The following SPRED2 variants were observed in gnomAD, a reference collection of about 807,000 sequenced individuals.
The protein encoded by SPRED2 is sprouty related EVH1 domain containing 2, also known as sprouty-related, EVH1 domain-containing protein 2.
A neutral mutation model predicts 43.0 loss-of-function variants in SPRED2; 47 were observed. The observed-to-expected ratio is 1.09, with a 90% CI of 0.87 to 1.40. SPRED2 has a LOEUF of 1.40. SPRED2 is among the 40% of genes most tolerant of loss of function. SPRED2 has a pLI of 0.00. For synonymous variants in SPRED2, 225 were observed against 225.7 expected (o/e 1.00, Z 0.03); for missense variants, 561 against 586.4 (o/e 0.96, Z 0.45).
chr2:65,329,095 G>A (rs1361738500), intron 4 of SPRED2, among the ~76,000 whole-genome samples: 2 of 152,196 alleles, frequency 1.3e-5, no homozygotes, highest in Non-Finnish European at 2.9e-5. Flanking sequence ...CAACACCTGA[G>A]GTGGATGGGA....
At chr2:65,327,826 C>G (rs181268690) in intron 4 of SPRED2, among the ~76,000 whole-genome samples, 2 of 142,170 alleles carry the variant, frequency 1.4e-5, no homozygotes, top group South Asian at 2.4e-4. Flanking sequence ...CAGGTTCAAG[C>G]GATTCTCCTG....
chr2:65,402,769 G>A lies in SPRED2; in HGVS notation c.26+29193C>T, dbSNP rs996575502. Among the ~76,000 whole-genome samples, 36 of 152,316 alleles carry A rather than the reference G, an allele frequency of 2.4e-4. 5 individuals carry two copies. Among genetic ancestry groups the A allele is most frequent in the Admixed American group, 1.9e-3 (29 of 15,302 alleles). On this transcript the variant is annotated intron_variant, in intron 1 of 5. Coordinates refer to ENST00000356388, the MANE Select transcript of SPRED2 (RefSeq NM_181784.3). Reference sequence around the variant, plus strand: ...TTGGATTAATATAATTCCATAAAGAGCTGTGTCTGAAGAAATCCTCTGATA... The same window carrying A: ...TTGGATTAATATAATTCCATAAAGAACTGTGTCTGAAGAAATCCTCTGATA...
chr2:65,324,706 A>T (rs76847530), intron 4 of SPRED2, among the ~76,000 whole-genome samples: 1 of 152,128 alleles, frequency 6.6e-6, no homozygotes, highest in African/African-American at 2.4e-5. Flanking sequence ...GGGAAGCTCA[A>T]GGAGGGAGGG....
intron 1 of SPRED2, among the ~76,000 whole-genome samples, chr2:65,367,284 G>A (rs949935888): frequency 5.3e-5 from 8 of 152,128 alleles, no homozygotes; most frequent in Admixed American, 2.0e-4. Context: ...TATGTTAGGG[G>A]TAAAATGATA....
At chr2:65,360,611 T>A (rs1674787743) in intron 1 of SPRED2, among the ~76,000 whole-genome samples, 1 of 152,176 alleles carries the variant, frequency 6.6e-6, no homozygotes. Flanking sequence ...ACCAGCTATC[T>A]AAATGTGACT....
chr2:65,422,743 T>C (rs1676460628), intron 1 of SPRED2, among the ~76,000 whole-genome samples: 1 of 152,124 alleles, frequency 6.6e-6, no homozygotes, highest in Admixed American at 6.6e-5. Context: ...GACGGTAAGG[T>C]CTTCAAAGGT....
intron 1 of SPRED2, among the ~76,000 whole-genome samples, chr2:65,406,921 TTTAGTCTCTC>T (rs1319680755): frequency 6.6e-6 from 1 of 151,376 alleles, no homozygotes; most frequent in Non-Finnish European, 1.5e-5. Flanking sequence ...CAGTGGAAAG[TTTAGTCTCTC>T]TTTTTTTTTT....
intron 2 of SPRED2, 91 bp downstream of exon 2, chr2:65,344,628 A>T (rs1478520951): frequency 1.3e-6 from 2 of 1,512,796 alleles, no homozygotes; most frequent in Non-Finnish European, 1.8e-6. Flanking sequence ...AGAAAGAAAG[A>T]AAAAAATACG....
At chr2:65,429,852 C>A (rs1337035447) in intron 1 of SPRED2, among the ~76,000 whole-genome samples, 1 of 152,222 alleles carries the variant, frequency 6.6e-6, no homozygotes, top group Non-Finnish European at 1.5e-5. Flanking sequence ...GCAGTGGAGG[C>A]TACGGCTTCA....
At chr2:65,412,867 A>C (rs1676193696) in intron 1 of SPRED2, among the ~76,000 whole-genome samples, 1 of 152,230 alleles carries the variant, frequency 6.6e-6, no homozygotes, top group Non-Finnish European at 1.5e-5. Flanking sequence ...CTCATTTGGC[A>C]GTCCTACAGT....
At chr2:65,316,486 T>C (rs894717628) in intron 5 of SPRED2, among the ~76,000 whole-genome samples, 1 of 152,176 alleles carries the variant, frequency 6.6e-6, no homozygotes, top group Non-Finnish European at 1.5e-5. Flanking sequence ...ACTTGCCTTG[T>C]GGGGCAGTTT....
chr2:65,349,903 G>A (rs149306172), intron 1 of SPRED2, among the ~76,000 whole-genome samples: 20 of 152,292 alleles, frequency 1.3e-4, no homozygotes, highest in African/African-American at 4.1e-4. Context: ...TGTCTCCTCC[G>A]GCAACAGCCC....
rs1437054021 is a variant in SPRED2 at position 65,319,316 on chromosome 2, C to T, written c.439-2433G>A. 2.0e-5 allele frequency among the ~76,000 whole-genome samples: 3 copies of T among 152,146 alleles called. No individual in the cohort carries two copies. In the East Asian group the frequency reaches 5.8e-4, roughly 29 times the overall value. ...TGCTCTCCGAAGCAATATAGAGAGACTTTTGACAGAGCGGTCAGAAAAGCA... is the reference window on the plus strand; with the variant it reads ...TGCTCTCCGAAGCAATATAGAGAGATTTTTGACAGAGCGGTCAGAAAAGCA... On this transcript the variant is annotated intron_variant, in intron 4 of 5. Transcript: ENST00000356388.
At chr2:65,338,434 A>AT (rs1674047776) in intron 2 of SPRED2, among the ~76,000 whole-genome samples, 1 of 151,434 alleles carries the variant, frequency 6.6e-6, no homozygotes, top group African/African-American at 2.4e-5. Context: ...AGTGCCTGCG[A>AT]TTGCAGGCGC....
chr2:65,393,686 A>C (rs1412296784), intron 1 of SPRED2, among the ~76,000 whole-genome samples: 1 of 152,104 alleles, frequency 6.6e-6, no homozygotes, highest in Non-Finnish European at 1.5e-5. Context: ...TTATAAAGCG[A>C]TTTACCAGAA....
At chr2:65,345,771 T>C (rs1258798278) in intron 1 of SPRED2, among the ~76,000 whole-genome samples, 2 of 152,220 alleles carry the variant, frequency 1.3e-5, no homozygotes, top group Admixed American at 6.5e-5. Flanking sequence ...TAGACTTCTG[T>C]TTATGATTTT....
rs1553426553 is a variant in SPRED2 at position 65,401,926 on chromosome 2, A to AGTGCGCGCGT, written c.26+30035_26+30036insACGCGCGCAC. Among the ~76,000 whole-genome samples, 288 of 121,954 alleles carry AGTGCGCGCGT rather than the reference A, an allele frequency of 2.4e-3. 4 individuals carry two copies. The highest frequency in any genetic ancestry group is 2.0e-3 in the Non-Finnish European group (128 of 62,528). 80.0% of individuals were successfully genotyped at this position (121,954 alleles called of 152,430 possible). A position where few individuals can be genotyped will look rare whatever the true frequency, so the allele number is the denominator to read the frequency against. On this transcript the variant is annotated intron_variant, in intron 1 of 5. Coordinates refer to ENST00000356388, the MANE Select transcript of SPRED2 (RefSeq NM_181784.3). ...TAAATTGTAAAACGATCAGAATATT[A>AGTGCGCGCGT]GCGCGCGCGCGCACACACACACACA...
At chr2:65,369,974 C>T (rs1252167302) in intron 1 of SPRED2, among the ~76,000 whole-genome samples, 2 of 152,232 alleles carry the variant, frequency 1.3e-5, no homozygotes, top group African/African-American at 4.8e-5. Context: ...CTAGCTGTAA[C>T]TATACAGCAA....
chr2:65,359,917 C>T (rs562700486), intron 1 of SPRED2, among the ~76,000 whole-genome samples: 16 of 151,902 alleles, frequency 1.1e-4, no homozygotes, highest in Middle Eastern at 3.4e-3. Context: ...GTACAAAACT[C>T]AGCCTGGTGT....
Sources: gnomAD v4.1 joint callset for allele counts (sites outside exome capture counted in the v4.1 genomes callset) on GRCh38, gnomAD v4.1.1 for gene constraint, MANE v1.5 for transcripts, NCBI Gene and HGNC (gene_info 2026-07-23, HGNC 2026-07-21) for gene names.